Variants in DLGAP1 observed in about 807,000 individuals in gnomAD.
The protein encoded by DLGAP1 is disks large-associated protein 1.
In DLGAP1, 11 loss-of-function variants were observed where a neutral mutation model predicts 90.8. That is an observed-to-expected ratio of 0.12 (90% CI 0.08 to 0.20). The LOEUF (loss-of-function observed/expected upper bound fraction) is 0.20. DLGAP1 is among the 10% of genes least tolerant of loss of function. The pLI, the probability that DLGAP1 is intolerant of heterozygous loss-of-function variation, is 1.00. For synonymous variants in DLGAP1, 558 were observed against 540.7 expected (o/e 1.03, Z -0.44); for missense variants, 1,050 against 1,333.8 (o/e 0.79, Z 3.31).
intron 7 of DLGAP1, among the ~76,000 whole-genome samples, chr18:3,726,090 A>T (rs939542050): frequency 1.3e-5 from 2 of 152,176 alleles, no homozygotes; most frequent in African/African-American, 4.8e-5. Flanking sequence ...AAAATGAGGA[A>T]TTTTTTTAGG....
chr18:3,603,764 A>G (rs1599487976), intron 7 of DLGAP1: 2 of 154,520 alleles, frequency 1.3e-5, no homozygotes, highest in East Asian at 1.9e-4. Context: ...CCATCCACAC[A>G]AAAGAGCTCC....
At position 3,582,100 on chromosome 18, in the gene DLGAP1, A is replaced by C. The variant is rs1327689093; in HGVS notation, c.1740T>G (p.Ile580Met). ...YMDGQGQRGDIISQSGLSNST... is the reference protein window; with the variant it reads ...YMDGQGQRGDMISQSGLSNST... ...AGTTGCTGAGTCCAGACTGGCTGAT[A>C]ATATCTCCTCGCTGGCCCTGTCCGT... The change falls in exon 8 of 13, where the codon ATT (isoleucine) becomes ATG (methionine). Residue 580 changes from isoleucine (I) to methionine (M), a missense_variant. Around this residue, in one of 2 missense-constraint regions of DLGAP1, gnomAD observed 565 missense variants for 879.7 expected, o/e 0.64. Transcript: ENST00000315677. The C allele has an allele frequency of 6.8e-6, 11 of 1,612,864 alleles. No homozygotes were observed. Among genetic ancestry groups the C allele is most frequent in the Middle Eastern group, 3.3e-4 (2 of 6,080 alleles).
At chr18:3,814,995 T>C (rs1389163076) in intron 4 of DLGAP1, among the ~76,000 whole-genome samples, 1 of 152,204 alleles carries the variant, frequency 6.6e-6, no homozygotes, top group Non-Finnish European at 1.5e-5. Context: ...ACATGACTCA[T>C]GTAGTAGGAA....
rs986496788 is a variant in DLGAP1, at chr18:3,997,065, A to G, written c.-73+8051T>C. On this transcript the variant is annotated intron_variant, in intron 3 of 12. Transcript: ENST00000315677. ...TTTTTCATATTTTAAAATAAGCTTT[A>G]TTTAGATTTTTTTTTAATATTTTAT... Among the ~76,000 whole-genome samples the G allele has an allele frequency of 6.3e-4, 27 of 42,668 alleles. 7 individuals are homozygous for G. Among genetic ancestry groups the G allele is most frequent in the East Asian group, 9.4e-4 (1 of 1,060 alleles). The allele number at this position is 42,668 out of a possible 152,430, so 28.0% of individuals were successfully genotyped here. A position where few individuals can be genotyped will look rare whatever the true frequency, so the allele number is the denominator to read the frequency against.
At chr18:3,593,126 C>T (rs1303153543) in intron 7 of DLGAP1, among the ~76,000 whole-genome samples, 2 of 152,052 alleles carry the variant, frequency 1.3e-5, no homozygotes, top group East Asian at 1.9e-4. Context: ...ATCTCCCCCG[C>T]CCCCCGCCAG....
chr18:3,856,415 T>C (rs1453146475), intron 4 of DLGAP1, among the ~76,000 whole-genome samples: 1 of 152,112 alleles, frequency 6.6e-6, no homozygotes, highest in Non-Finnish European at 1.5e-5. Flanking sequence ...TTTTTGTTAA[T>C]TAGATGAGAG....
At position 4,353,734 on chromosome 18, in the gene DLGAP1, A is replaced by C. The variant is rs143411367; in HGVS notation, c.-267+101272T>G. On this transcript the variant is annotated intron_variant, in intron 1 of 12. Transcript: ENST00000315677. ...ATATATAAACATATAATTTATGTATATATTAATATATGTTTAAATATATAT... is the reference window on the plus strand; with the variant it reads ...ATATATAAACATATAATTTATGTATCTATTAATATATGTTTAAATATATAT... Among the ~76,000 whole-genome samples the C allele has an allele frequency of 1.8e-3, 275 of 151,136 alleles. 1 individual carries two copies. Among genetic ancestry groups the C allele is most frequent in the African/African-American group, 6.4e-3 (264 of 41,360 alleles).
intron 9 of DLGAP1, among the ~76,000 whole-genome samples, chr18:3,553,199 A>T (rs991132595): frequency 3.3e-5 from 5 of 152,174 alleles, no homozygotes; most frequent in Non-Finnish European, 7.3e-5. Flanking sequence ...TCATTAAAAG[A>T]GGTGTTTGCT....
intron 2 of DLGAP1, among the ~76,000 whole-genome samples, chr18:4,106,518 T>A (rs1268246472): frequency 1.3e-5 from 2 of 152,228 alleles, no homozygotes; most frequent in Non-Finnish European, 2.9e-5. Flanking sequence ...TTTAGCTGTT[T>A]TAACTGTGCA....
At chr18:4,232,333 G>C (rs749616990) in intron 1 of DLGAP1, among the ~76,000 whole-genome samples, 6 of 152,054 alleles carry the variant, frequency 3.9e-5, no homozygotes, top group Middle Eastern at 6.3e-3. Flanking sequence ...GTGGCTAAAG[G>C]TATTCTTCTT....
intron 1 of DLGAP1, among the ~76,000 whole-genome samples, chr18:4,347,566 T>C (rs528821193): frequency 1.2e-4 from 19 of 152,212 alleles, no homozygotes; most frequent in African/African-American, 4.3e-4. Flanking sequence ...ATTATGATCA[T>C]ATGCAATATG....
intron 1 of DLGAP1, among the ~76,000 whole-genome samples, chr18:4,390,370 T>C (rs1192089968): frequency 6.6e-6 from 1 of 151,906 alleles, no homozygotes; most frequent in Non-Finnish European, 1.5e-5. Flanking sequence ...GACACATCAT[T>C]ATCACCCAAA....
At chr18:4,209,499 T>C (rs1054099288) in intron 1 of DLGAP1, among the ~76,000 whole-genome samples, 13 of 152,222 alleles carry the variant, frequency 8.5e-5, no homozygotes, top group African/African-American at 1.4e-4. Flanking sequence ...GTTTGAGTCA[T>C]TGAAACGGAT....
At chr18:4,133,944 G>A (rs186308869) in intron 2 of DLGAP1, among the ~76,000 whole-genome samples, 37 of 151,388 alleles carry the variant, frequency 2.4e-4, no homozygotes, top group African/African-American at 9.0e-4. Context: ...AGAGGAGAAA[G>A]AATAAATCGA....
chr18:3,688,666 C>A (rs447141), intron 7 of DLGAP1, among the ~76,000 whole-genome samples: 1,981 of 36,322 alleles, frequency 0.055, 72 homozygotes, highest in African/African-American at 0.16. Context: ...CACACACACA[C>A]ACCCTACCAA....
intron 9 of DLGAP1, among the ~76,000 whole-genome samples, chr18:3,559,884 G>A (rs1319657765): frequency 2.0e-5 from 3 of 151,678 alleles, no homozygotes; most frequent in African/African-American, 7.3e-5. Context: ...GCCTCCCAAA[G>A]TGCTGGGATT....
chr18:3,581,693 T>C (rs1419602199), intron 8 of DLGAP1, among the ~76,000 whole-genome samples, 182 bp downstream of exon 8: 2 of 150,348 alleles, frequency 1.3e-5, no homozygotes, highest in Non-Finnish European at 3.0e-5. Flanking sequence ...AAGAAAATAC[T>C]TTCATAATCT....
chr18:4,010,648 T>C (rs1048477678), intron 2 of DLGAP1, among the ~76,000 whole-genome samples: 1 of 152,208 alleles, frequency 6.6e-6, no homozygotes, highest in Admixed American at 6.5e-5. Context: ...ATGTATATAT[T>C]TTTTGCTTTC....
At chr18:3,920,966 A>G (rs953062759) in intron 3 of DLGAP1, among the ~76,000 whole-genome samples, 1 of 152,242 alleles carries the variant, frequency 6.6e-6, no homozygotes, top group African/African-American at 2.4e-5. Flanking sequence ...AGCTCTCGCC[A>G]TCAAAAATCC....
Sources: allele counts gnomAD v4.1 joint callset (sites outside exome capture counted in the v4.1 genomes callset), GRCh38; gene constraint gnomAD v4.1.1; regional missense constraint gnomAD v4.1.1; transcripts MANE v1.5; gene names NCBI Gene and HGNC (gene_info 2026-07-23, HGNC 2026-07-21).